CHST11: variants seen among roughly 807,000 people sequenced by gnomAD.
CHST11 encodes the protein carbohydrate sulfotransferase 11.
Under a neutral mutation model 30.4 loss-of-function variants are expected in CHST11, and 9 were observed. The observed-to-expected ratio is 0.30, with a 90% CI of 0.18 to 0.52. The LOEUF is 0.52. Among genes scored for constraint, CHST11 ranks in the 20% least tolerant of loss-of-function variants. The pLI is 0.97. For synonymous variants in CHST11, 152 were observed against 187.8 expected (o/e 0.81, Z 1.56); for missense variants, 348 against 460.6 (o/e 0.76, Z 2.24).
intron 2 of CHST11, among the ~76,000 whole-genome samples, chr12:104,733,440 C>A (rs372962818): frequency 2.0e-5 from 3 of 152,206 alleles, no homozygotes; most frequent in South Asian, 4.1e-4. Context: ...CAAGTTCCCC[C>A]GTGTTCAACC....
At chr12:104,624,911 C>G (rs934025050) in intron 2 of CHST11, among the ~76,000 whole-genome samples, 4 of 152,194 alleles carry the variant, frequency 2.6e-5, no homozygotes, top group Non-Finnish European at 2.9e-5. Flanking sequence ...CCACGGTGCC[C>G]GTGCACTCCT....
chr12:104,468,172 G>T (rs2037476215), intron 1 of CHST11, among the ~76,000 whole-genome samples: 1 of 151,170 alleles, frequency 6.6e-6, no homozygotes, highest in Non-Finnish European at 1.5e-5. Flanking sequence ...GTGGTGGGGG[G>T]ATTGAAATTT....
At chr12:104,539,894 G>A (rs141273061) in intron 1 of CHST11, among the ~76,000 whole-genome samples, 17 of 152,076 alleles carry the variant, frequency 1.1e-4, no homozygotes, top group African/African-American at 3.4e-4. Context: ...GGCTGGTCTC[G>A]AACTCGTGAG....
At chr12:104,595,926 A>G (rs2038902791) in intron 1 of CHST11, among the ~76,000 whole-genome samples, 1 of 152,174 alleles carries the variant, frequency 6.6e-6, no homozygotes, top group African/African-American at 2.4e-5. Context: ...TTTGCCTGGA[A>G]CTTACTTGGT....
intron 2 of CHST11, among the ~76,000 whole-genome samples, chr12:104,718,870 T>A (rs2040152488): frequency 6.6e-6 from 1 of 152,172 alleles, no homozygotes; most frequent in African/African-American, 2.4e-5. Flanking sequence ...AGGTCTAAAT[T>A]AAACAAGACA....
chr12:104,503,140 T>C (rs1183733108), intron 1 of CHST11, among the ~76,000 whole-genome samples: 3 of 152,244 alleles, frequency 2.0e-5, no homozygotes, highest in Non-Finnish European at 2.9e-5. Flanking sequence ...GGGAGCAATA[T>C]GCCCATCCAG....
chr12:104,639,090 C>T (rs2039350855), intron 2 of CHST11, among the ~76,000 whole-genome samples: 1 of 152,196 alleles, frequency 6.6e-6, no homozygotes. Flanking sequence ...ATGTGCCTTT[C>T]CATGACCTTT....
chr12:104,541,224 G>C (rs2038285073), intron 1 of CHST11, among the ~76,000 whole-genome samples: 1 of 151,954 alleles, frequency 6.6e-6, no homozygotes. Context: ...GAGAGTCTTT[G>C]GCTTTGCTCT....
chr12:104,696,482 C>CA (rs10602668), intron 2 of CHST11, among the ~76,000 whole-genome samples: 1,592 of 69,104 alleles, frequency 0.023, 52 homozygotes, highest in East Asian at 0.046. Flanking sequence ...GCTAAAAATA[C>CA]AAAAAAAAAA....
At chr12:104,491,890 C>T (rs757578316) in intron 1 of CHST11, among the ~76,000 whole-genome samples, 8 of 152,178 alleles carry the variant, frequency 5.3e-5, no homozygotes, top group Non-Finnish European at 8.8e-5. Flanking sequence ...ACATTGTGAC[C>T]TGCCCCCTAC....
chr12:104,488,742 T>TGTGTGTGTGTGTGTGTGTGTGTACGC (rs1565960353), intron 1 of CHST11, among the ~76,000 whole-genome samples: 5 of 14,642 alleles, frequency 3.4e-4, no homozygotes, highest in African/African-American at 1.1e-3. Context: ...TGTGTACGCG[T>TGTGTGTGTGTGTGTGTGTGTGTACGC]GTGTGTGTGT....
chr12:104,709,202 C>T (rs995709366), intron 2 of CHST11, among the ~76,000 whole-genome samples: 2 of 152,232 alleles, frequency 1.3e-5, no homozygotes, highest in Non-Finnish European at 1.5e-5. Context: ...CTGATGCTGC[C>T]TCCTGGCCCT....
At chr12:104,515,685 C>T (rs562064055) in intron 1 of CHST11, among the ~76,000 whole-genome samples, 19 of 152,184 alleles carry the variant, frequency 1.2e-4, no homozygotes, top group African/African-American at 3.4e-4. Flanking sequence ...ACTCCTGACC[C>T]GCCTGAGGGT....
At chr12:104,713,258 G>A (rs2040102433) in intron 2 of CHST11, among the ~76,000 whole-genome samples, 1 of 152,032 alleles carries the variant, frequency 6.6e-6, no homozygotes, top group African/African-American at 2.4e-5. Flanking sequence ...GGATGTGGCT[G>A]GACTGCATTT....
intron 1 of CHST11, among the ~76,000 whole-genome samples, chr12:104,537,843 G>A (rs964870026): frequency 5.3e-5 from 8 of 151,704 alleles, no homozygotes; most frequent in South Asian, 2.1e-4. Context: ...CCACAGGTGC[G>A]TACCACCATG....
intron 1 of CHST11, among the ~76,000 whole-genome samples, chr12:104,508,954 A>T (rs1447282079): frequency 1.3e-5 from 2 of 151,978 alleles, no homozygotes; most frequent in Admixed American, 6.6e-5. Flanking sequence ...CACCACTACC[A>T]CCATCATCAC....
chr12:104,484,345 A>G (rs1043326510), intron 1 of CHST11, among the ~76,000 whole-genome samples: 2 of 152,220 alleles, frequency 1.3e-5, no homozygotes, highest in African/African-American at 4.8e-5. Context: ...AAGTCCTGCC[A>G]TTAAGAACCC....
chr12:104,727,623 G>C (rs981384364), intron 2 of CHST11, among the ~76,000 whole-genome samples: 14 of 152,220 alleles, frequency 9.2e-5, no homozygotes, highest in Middle Eastern at 3.2e-3. Flanking sequence ...TTTACTGAAT[G>C]AATGAGTTAA....
At chr12:104,484,203 C>T (rs1158676003) in intron 1 of CHST11, among the ~76,000 whole-genome samples, 3 of 152,086 alleles carry the variant, frequency 2.0e-5, no homozygotes, top group African/African-American at 7.3e-5. Flanking sequence ...GGGTCATTGC[C>T]AAGGAGGGAA....
Sources: allele counts gnomAD v4.1 joint callset (sites outside exome capture counted in the v4.1 genomes callset), GRCh38; gene constraint gnomAD v4.1.1; transcripts MANE v1.5; gene names NCBI Gene and HGNC (gene_info 2026-07-23, HGNC 2026-07-21).